The following EPS15 variants were observed in gnomAD, a reference collection of about 807,000 sequenced individuals.
EPS15 encodes epidermal growth factor receptor pathway substrate 15.
In EPS15, 72 loss-of-function variants were observed where a neutral mutation model predicts 113.8. The observed-to-expected ratio is 0.63, with a 90% confidence interval of 0.52 to 0.77. The LOEUF (loss-of-function observed/expected upper bound fraction) is 0.77, where lower values mean the gene tolerates loss of function less well. Among genes scored for constraint, EPS15 ranks in the 30% least tolerant of loss-of-function variants. The pLI is 0.00. For missense variants in EPS15, 1,048 were observed against 1,045.8 expected (o/e 1.00, Z -0.03); for synonymous variants, 344 against 363.4 (o/e 0.95, Z 0.61).
intron 13 of EPS15, among the ~76,000 whole-genome samples, chr1:51,412,446 A>G (rs1296140550): frequency 1.3e-5 from 2 of 152,232 alleles, no homozygotes; most frequent in Non-Finnish European, 2.9e-5. Flanking sequence ...TATTTACTAT[A>G]ATTTATTTTA....
chr1:51,399,266 T>C, intron 19 of EPS15, 101 bp from the exon 20 acceptor site: 1 of 1,107,400 alleles, frequency 9.0e-7, no homozygotes, highest in Non-Finnish European at 1.3e-6. Context: ...AAAGACAGTC[T>C]GGGGCCAGGT....
At chr1:51,409,482 A>G in intron 14 of EPS15, 53 bp downstream of exon 14, 1 of 1,515,358 alleles carries the variant, frequency 6.6e-7, no homozygotes, top group Non-Finnish European at 8.9e-7. Context: ...ATCTTAAGCC[A>G]GGAAAAGCAA....
At chr1:51,370,841 A>C (rs986186509) in intron 21 of EPS15, among the ~76,000 whole-genome samples, 1 of 151,742 alleles carries the variant, frequency 6.6e-6, no homozygotes, top group Non-Finnish European at 1.5e-5. Context: ...CTGGTCTCGA[A>C]CTCCTGACCT....
intron 21 of EPS15, among the ~76,000 whole-genome samples, chr1:51,393,267 C>T (rs1647571308): frequency 6.6e-6 from 1 of 152,148 alleles, no homozygotes; most frequent in Non-Finnish European, 1.5e-5. Context: ...CCCAGGCTGG[C>T]GTGCAATGGC....
At chr1:51,495,701 CTTAA>C in intron 1 of EPS15, among the ~76,000 whole-genome samples, 1 of 151,786 alleles carries the variant, frequency 6.6e-6, no homozygotes, top group South Asian at 2.1e-4. Context: ...AAAACCTCTC[CTTAA>C]TTATTTAAAC....
chr1:51,483,968 G>A (rs948890663), intron 1 of EPS15, among the ~76,000 whole-genome samples: 33 of 152,048 alleles, frequency 2.2e-4, no homozygotes, highest in African/African-American at 2.7e-4. Context: ...AAAATTAGCC[G>A]GGCATAGTGG....
chr1:51,485,031 C>T (rs72691874), intron 1 of EPS15, among the ~76,000 whole-genome samples: 2 of 152,182 alleles, frequency 1.3e-5, no homozygotes, highest in South Asian at 4.1e-4. Flanking sequence ...GCTATAAAGA[C>T]ATCACTGTAT....
At chr1:51,429,289 T>G (rs558965238) in intron 12 of EPS15, among the ~76,000 whole-genome samples, 2 of 152,216 alleles carry the variant, frequency 1.3e-5, no homozygotes, top group Admixed American at 1.3e-4. Context: ...TTACTGTGAA[T>G]GTATTTAATG....
chr1:51,373,488 A>T (rs114308793), intron 21 of EPS15, among the ~76,000 whole-genome samples: 19 of 152,346 alleles, frequency 1.2e-4, no homozygotes, highest in Non-Finnish European at 2.4e-4. Flanking sequence ...TCTTCTATTT[A>T]TAAAACCAGG....
chr1:51,448,322 A>G (rs75449809), intron 8 of EPS15, among the ~76,000 whole-genome samples, 187 bp from the exon 9 acceptor site: 1 of 149,190 alleles, frequency 6.7e-6, no homozygotes, highest in Non-Finnish European at 1.5e-5. Flanking sequence ...AGAAATAAAA[A>G]CTAAGAAATT....
At chr1:51,478,410 G>A (rs1266583940) in intron 2 of EPS15, among the ~76,000 whole-genome samples, 1 of 151,950 alleles carries the variant, frequency 6.6e-6, no homozygotes, top group East Asian at 1.9e-4. Context: ...TCTTTATCCA[G>A]TTTGCCAGTC....
intron 16 of EPS15, among the ~76,000 whole-genome samples, 196 bp from the exon 17 acceptor site, chr1:51,403,728 CA>C (rs1416572319): frequency 6.6e-6 from 1 of 152,198 alleles, no homozygotes; most frequent in East Asian, 1.9e-4. Flanking sequence ...CAGAAACCTT[CA>C]GGTCATCTTT....
At chr1:51,512,442 T>A (rs2148567500) in intron 1 of EPS15, among the ~76,000 whole-genome samples, 1 of 151,836 alleles carries the variant, frequency 6.6e-6, no homozygotes, top group South Asian at 2.1e-4. Context: ...GACTGACAAA[T>A]TAAACATATA....
intron 2 of EPS15, among the ~76,000 whole-genome samples, chr1:51,480,844 T>C (rs1476153667): frequency 6.6e-6 from 1 of 152,170 alleles, no homozygotes; most frequent in African/African-American, 2.4e-5. Flanking sequence ...CCAGAGGCTG[T>C]ATATCTGTAC....
intron 21 of EPS15, among the ~76,000 whole-genome samples, chr1:51,381,506 T>C (rs1339528691): frequency 3.9e-5 from 6 of 152,158 alleles, no homozygotes; most frequent in Admixed American, 6.5e-5. Context: ...GGCAGGAGAA[T>C]TGCTTGAACC....
chr1:51,362,975 A>G (rs1646421493), intron 23 of EPS15, among the ~76,000 whole-genome samples: 1 of 152,106 alleles, frequency 6.6e-6, no homozygotes, highest in South Asian at 2.1e-4. Flanking sequence ...ACATAGAAAC[A>G]AACAAAAATA....
chr1:51,506,066 T>C (rs1644494579), intron 1 of EPS15, among the ~76,000 whole-genome samples: 2 of 152,180 alleles, frequency 1.3e-5, no homozygotes, highest in African/African-American at 2.4e-5. Flanking sequence ...TTTGTATTTT[T>C]AGCAGAGGCG....
intron 13 of EPS15, among the ~76,000 whole-genome samples, chr1:51,421,431 A>ATGATGATGATGATGATGC (rs1650743363): frequency 6.6e-6 from 1 of 152,128 alleles, no homozygotes; most frequent in Non-Finnish European, 1.5e-5. Context: ...GATGATGATG[A>ATGATGATGATGATGATGC]TGATGATGAG....
intron 1 of EPS15, among the ~76,000 whole-genome samples, chr1:51,491,999 G>A (rs1392881321): frequency 6.6e-6 from 1 of 151,430 alleles, no homozygotes; most frequent in East Asian, 1.9e-4. Flanking sequence ...TAAGCAGATG[G>A]GACCACACCC....
Sources: gnomAD v4.1 joint callset for allele counts (sites outside exome capture counted in the v4.1 genomes callset) on GRCh38, gnomAD v4.1.1 for gene constraint, MANE v1.5 for transcripts, NCBI Gene and HGNC (gene_info 2026-07-23, HGNC 2026-07-21) for gene names.